GNAI1: variants seen among roughly 807,000 people sequenced by gnomAD.
GNAI1 encodes G protein subunit alpha i1, also known as guanine nucleotide-binding protein G(i) subunit alpha-1.
Under a neutral mutation model 38.9 loss-of-function variants are expected in GNAI1, and 11 were observed. That is an observed-to-expected ratio of 0.28 (90% CI 0.18 to 0.47). GNAI1 has a LOEUF of 0.47. Among genes scored for constraint, GNAI1 ranks in the 20% least tolerant of loss-of-function variants. The probability of loss-of-function intolerance (pLI) is 0.99; values close to 1 mark genes in which losing one functional copy is unlikely to be tolerated. For synonymous variants in GNAI1, 166 were observed against 145.1 expected (o/e 1.14, Z -1.04); for missense variants, 317 against 436.9 (o/e 0.73, Z 2.45).
chr7:80,171,689 T>C (rs1788101266), intron 1 of GNAI1, among the ~76,000 whole-genome samples: 1 of 152,242 alleles, frequency 6.6e-6, no homozygotes, highest in Non-Finnish European at 1.5e-5. Flanking sequence ...ATTATATCTT[T>C]TCCGGAACCA....
chr7:80,176,533 C>G (rs1351889729), intron 1 of GNAI1, among the ~76,000 whole-genome samples: 1 of 152,190 alleles, frequency 6.6e-6, no homozygotes, highest in East Asian at 1.9e-4. Context: ...TGCCTGGCTT[C>G]AGAGCTACAA....
chr7:80,223,781 TG>T lies in GNAI1; in HGVS notation c.*6289del, dbSNP rs1364181812. Reference sequence around the variant, plus strand: ...AATCTACTTCACAAGGCAATTTACCTGTAATAAATATAACTTTTTTGCAGAC... The same window carrying T: ...AATCTACTTCACAAGGCAATTTACCTTAATAAATATAACTTTTTTGCAGAC... On this transcript the variant is annotated 3_prime_UTR_variant, in exon 8 of 8. Transcript: ENST00000649796. Among the ~76,000 whole-genome samples, 1 of 151,632 alleles carries T rather than the reference TG, an allele frequency of 6.6e-6. No individual in the cohort carries two copies. The highest frequency in any genetic ancestry group is 2.4e-5 in the African/African-American group (1 of 40,860).
chr7:80,140,513 G>A (rs1409219494), intron 1 of GNAI1, among the ~76,000 whole-genome samples: 1 of 152,180 alleles, frequency 6.6e-6, no homozygotes, highest in South Asian at 2.1e-4. Context: ...AGACCTGAGT[G>A]TATTTGAGTG....
chr7:80,205,890 C>A (rs1195819496), intron 5 of GNAI1, among the ~76,000 whole-genome samples: 2 of 151,966 alleles, frequency 1.3e-5, no homozygotes, highest in Admixed American at 6.6e-5. Flanking sequence ...CTAAATAAAT[C>A]TTTACTGTGA....
At chr7:80,200,917 T>A (rs1280246364) in intron 4 of GNAI1, among the ~76,000 whole-genome samples, 1 of 152,190 alleles carries the variant, frequency 6.6e-6, no homozygotes, top group Non-Finnish European at 1.5e-5. Flanking sequence ...GCGCTCCAGT[T>A]TTAGGTACTC....
intron 1 of GNAI1, among the ~76,000 whole-genome samples, chr7:80,159,056 T>A (rs1354261161): frequency 2.6e-5 from 4 of 152,210 alleles, no homozygotes; most frequent in Non-Finnish European, 5.9e-5. Context: ...TGTGTCTATC[T>A]TGTGGCCTTG....
chr7:80,210,358 T>C (rs1488561201), intron 5 of GNAI1, among the ~76,000 whole-genome samples: 1 of 152,190 alleles, frequency 6.6e-6, no homozygotes, highest in Non-Finnish European at 1.5e-5. Flanking sequence ...TTATTTCATA[T>C]TTCAGTTCTC....
chr7:80,216,785 G>T (rs1335026305), intron 7 of GNAI1, among the ~76,000 whole-genome samples: 1 of 151,968 alleles, frequency 6.6e-6, no homozygotes, highest in African/African-American at 2.4e-5. Context: ...CACTTTTTTT[G>T]TAACCTCATA....
Position 80,210,981 on chromosome 7 carries a change from G to T in GNAI1, c.603G>T (p.Val201=), listed in dbSNP as rs746760798. ...CTCCTCTTAACAGAATGTTTGATGT[G>T]GGAGGTCAGAGATCTGAGCGGAAGA... ...FKDLHFKMFD[V]GGQRSERKKW... is the part of the protein sequence containing the mutation. Residue 201 remains valine, a synonymous_variant, in exon 6 of 8, where the codon GTG becomes GTT. Coordinates refer to ENST00000649796, the MANE Select transcript of GNAI1 (RefSeq NM_002069.6). The T allele has an allele frequency of 6.2e-7, 1 of 1,612,998 alleles. No homozygotes were observed.
chr7:80,180,322 A>AGTGTGTGTGT (rs59104301), intron 1 of GNAI1, among the ~76,000 whole-genome samples: 6 of 150,082 alleles, frequency 4.0e-5, no homozygotes, highest in African/African-American at 1.5e-4. Flanking sequence ...ATTCTTATAA[A>AGTGTGTGTGT]GTGTGTGTGT....
At chr7:80,212,460 G>T (rs1788890983) in intron 6 of GNAI1, among the ~76,000 whole-genome samples, 1 of 152,150 alleles carries the variant, frequency 6.6e-6, no homozygotes, top group African/African-American at 2.4e-5. Context: ...CCTGTAGCAG[G>T]ATATTCCCTG....
rs544386672 is a variant in GNAI1 at position 80,218,555 on chromosome 7, T to G, written c.*1062T>G. ...ACATGATAGCTCCTTGTTGGGAAGA[T>G]AACAAGAAGGATCTTTGAATACTCT... is the stretch of plus-strand genomic sequence containing the variant. On this transcript the variant is annotated 3_prime_UTR_variant, in exon 8 of 8. Transcript: ENST00000649796. The G allele has an allele frequency of 6.6e-6, 1 of 152,144 alleles. No individual in the cohort carries two copies. Among genetic ancestry groups the G allele is most frequent in the Non-Finnish European group, 1.5e-5 (1 of 67,994 alleles). The allele number at this position is 152,144 out of a possible 1,614,324, so 9.4% of individuals were successfully genotyped here.
chr7:80,201,424 A>G (rs1788684650), intron 4 of GNAI1, among the ~76,000 whole-genome samples: 1 of 152,174 alleles, frequency 6.6e-6, no homozygotes, highest in Non-Finnish European at 1.5e-5. Flanking sequence ...ACGTGAGTTA[A>G]CAGAAACATA....
chr7:80,217,225 T>TGTATGAAACTGACTTCAGTTTAATAA, intron 7 of GNAI1, 78 bp from the exon 8 acceptor site: 1 of 905,166 alleles, frequency 1.1e-6, no homozygotes, highest in Non-Finnish European at 1.7e-6. Flanking sequence ...CAGTTTCATA[T>TGTATGAAACTGACTTCAGTTTAATAA]GTATGAAACT....
intron 5 of GNAI1, among the ~76,000 whole-genome samples, chr7:80,204,642 C>T (rs1788742376): frequency 2.6e-5 from 4 of 152,130 alleles, no homozygotes; most frequent in African/African-American, 7.2e-5. Flanking sequence ...ATCTGTTTCC[C>T]TTCCAGGTCA....
In GNAI1 at chr7:80,224,320, A is replaced by G. The variant is rs1274500828; in HGVS notation, c.*6827A>G. Among the ~76,000 whole-genome samples, 3 of 152,156 alleles carry G rather than the reference A, an allele frequency of 2.0e-5. No homozygotes were observed. Among genetic ancestry groups the G allele is most frequent in the Non-Finnish European group, 4.4e-5 (3 of 68,034 alleles). On this transcript the variant is annotated 3_prime_UTR_variant, in exon 8 of 8. Transcript: ENST00000649796. ...CTATATAAGGAAACACATTTAAGAG[A>G]GGTTAGTATTTTGTGCAATGTTGGC...
intron 1 of GNAI1, among the ~76,000 whole-genome samples, chr7:80,143,042 C>T (rs1787553212): frequency 6.6e-6 from 1 of 152,148 alleles, no homozygotes; most frequent in Non-Finnish European, 1.5e-5. Context: ...CTCTGGTAAA[C>T]CTCAGCTTTC....
intron 7 of GNAI1, 76 bp from the exon 8 acceptor site, chr7:80,217,227 T>A: frequency 1.0e-6 from 1 of 966,662 alleles, no homozygotes; most frequent in Non-Finnish European, 1.5e-6. Context: ...GTTTCATATG[T>A]ATGAAACTGA....
At chr7:80,189,943 T>C (rs1411507691) in intron 3 of GNAI1, among the ~76,000 whole-genome samples, 1 of 151,110 alleles carries the variant, frequency 6.6e-6, no homozygotes, top group Non-Finnish European at 1.5e-5. Flanking sequence ...CTTTGTTTTC[T>C]TTTTTTTTCT....
Sources: gnomAD v4.1 joint callset for allele counts (sites outside exome capture counted in the v4.1 genomes callset) on GRCh38, gnomAD v4.1.1 for gene constraint, MANE v1.5 for transcripts, NCBI Gene and HGNC (gene_info 2026-07-23, HGNC 2026-07-21) for gene names.